The following ACVR2A variants were observed in gnomAD, a reference collection of about 807,000 sequenced individuals.
The protein encoded by ACVR2A is activin A receptor type 2A, also known as activin receptor type-2A.
In ACVR2A, 7 loss-of-function variants were observed where a neutral mutation model predicts 61.4. That is an observed-to-expected ratio of 0.11 (90% CI 0.06 to 0.21). ACVR2A has a LOEUF of 0.21. ACVR2A is among the 10% of genes least tolerant of loss of function. ACVR2A has a pLI of 1.00. For synonymous variants in ACVR2A, 193 were observed against 208.3 expected (o/e 0.93, Z 0.63); for missense variants, 322 against 621.7 (o/e 0.52, Z 5.13).
chr2:147,852,661 C>T (rs529585046), intron 1 of ACVR2A, among the ~76,000 whole-genome samples: 150 of 152,042 alleles, frequency 9.9e-4, no homozygotes, highest in African/African-American at 3.4e-3. Flanking sequence ...CACACGAAGG[C>T]GCTGAAACAA....
At chr2:147,911,536 G>T (rs142340415) in intron 4 of ACVR2A, among the ~76,000 whole-genome samples, 16 of 152,016 alleles carry the variant, frequency 1.1e-4, no homozygotes, top group Non-Finnish European at 2.1e-4. Context: ...TTCTTCACAA[G>T]CACGCCTTTC....
chr2:147,887,471 G>A (rs1686468943), intron 1 of ACVR2A, among the ~76,000 whole-genome samples: 1 of 152,176 alleles, frequency 6.6e-6, no homozygotes, highest in Non-Finnish European at 1.5e-5. Context: ...ACAGTCTGGT[G>A]AAGGACATTC....
intron 1 of ACVR2A, among the ~76,000 whole-genome samples, chr2:147,867,079 G>A (rs1685874726): frequency 6.6e-6 from 1 of 152,180 alleles, no homozygotes; most frequent in Admixed American, 6.5e-5. Context: ...TTAAAAAAAT[G>A]TCAGATCTAA....
chr2:147,854,411 A>T (rs1685519813), intron 1 of ACVR2A, among the ~76,000 whole-genome samples: 1 of 152,180 alleles, frequency 6.6e-6, no homozygotes, highest in African/African-American at 2.4e-5. Flanking sequence ...GTTTTGAAAG[A>T]TTCTCAAGTC....
chr2:147,859,559 T>A (rs1256453697), intron 1 of ACVR2A, among the ~76,000 whole-genome samples: 1 of 152,042 alleles, frequency 6.6e-6, no homozygotes, highest in Non-Finnish European at 1.5e-5. Flanking sequence ...TTTGTGAAAC[T>A]TCAGTTGTGT....
At chr2:147,852,134 A>G (rs1685465498) in intron 1 of ACVR2A, among the ~76,000 whole-genome samples, 1 of 151,980 alleles carries the variant, frequency 6.6e-6, no homozygotes, top group African/African-American at 2.4e-5. Context: ...TTTAGAGGGG[A>G]TCTTAGGTAT....
At chr2:147,919,956 A>C (rs1169390565) in intron 7 of ACVR2A, among the ~76,000 whole-genome samples, 1 of 152,150 alleles carries the variant, frequency 6.6e-6, no homozygotes, top group Non-Finnish European at 1.5e-5. Flanking sequence ...TGACATAGAT[A>C]ACATATCTTT....
chr2:147,899,646 T>G, intron 3 of ACVR2A, 79 bp downstream of exon 3: 2 of 1,576,678 alleles, frequency 1.3e-6, no homozygotes, highest in Non-Finnish European at 8.7e-7. Context: ...TGGAATAATT[T>G]GCCCCTACCT....
intron 1 of ACVR2A, among the ~76,000 whole-genome samples, chr2:147,852,699 G>A (rs1301503551): frequency 2.0e-5 from 3 of 152,034 alleles, no homozygotes; most frequent in Non-Finnish European, 2.9e-5. Context: ...GGGGAGTTGG[G>A]ATTTTTTAAT....
chr2:147,924,309 C>T (rs1044338573), intron 9 of ACVR2A, among the ~76,000 whole-genome samples: 2 of 151,962 alleles, frequency 1.3e-5, no homozygotes, highest in Non-Finnish European at 2.9e-5. Flanking sequence ...AGACACAAGA[C>T]CTTATTCTCA....
intron 10 of ACVR2A, 131 bp from the exon 11 acceptor site, chr2:147,926,949 C>A: frequency 1.2e-6 from 1 of 821,640 alleles, no homozygotes; most frequent in Non-Finnish European, 1.9e-6. Context: ...ACATGGTAGT[C>A]AATAAAAGTG....
At chr2:147,919,866 G>A (rs1016256061) in intron 7 of ACVR2A, among the ~76,000 whole-genome samples, 1 of 152,098 alleles carries the variant, frequency 6.6e-6, no homozygotes, top group Non-Finnish European at 1.5e-5. Flanking sequence ...CTTCATTTTG[G>A]TTTAAAATTT....
In ACVR2A at chr2:147,845,130, G is replaced by A. The variant is rs767570225; in HGVS notation, c.-23G>A. On this transcript the variant is annotated 5_prime_UTR_variant, in exon 1 of 11. Coordinates refer to ENST00000241416, the MANE Select transcript of ACVR2A (RefSeq NM_001616.5). The stretch of plus-strand genomic sequence containing the variant: ...TGGATATCTAGCGAGAACTTCCTCC[G>A]GATTCCCCGGCGCCTCGGGAAAATG... 3 of 1,604,328 alleles carry A rather than the reference G, an allele frequency of 1.9e-6. No individual in the cohort carries two copies. The South Asian group carries it at 3.3e-5, about 18-fold the overall frequency.
chr2:147,852,055 G>T lies in ACVR2A; in HGVS notation c.55+6848G>T, dbSNP rs969234586. Among the ~76,000 whole-genome samples, 4 of 151,908 alleles carry T rather than the reference G, an allele frequency of 2.6e-5. No individual in the cohort carries two copies. The East Asian group carries it at 7.7e-4, about 29-fold the overall frequency. ...AAAAGATGATTTTGCTCATTGTTTT[G>T]ATATCTTTAAGTTATGTTCAAATTT... On this transcript the variant is annotated intron_variant, in intron 1 of 10. Transcript: ENST00000241416.
chr2:147,902,162 C>T (rs1686885210), intron 4 of ACVR2A, among the ~76,000 whole-genome samples: 1 of 151,804 alleles, frequency 6.6e-6, no homozygotes, highest in Non-Finnish European at 1.5e-5. Context: ...TTTGGGACCA[C>T]ACTCCTGAAA....
At chr2:147,877,346 G>A (rs192079415) in intron 1 of ACVR2A, 3 of 152,176 alleles carry the variant, frequency 2.0e-5, no homozygotes, top group East Asian at 3.9e-4. Context: ...AGAAATGGGG[G>A]AATGACATTC....
At chr2:147,899,012 T>C (rs934033241) in intron 2 of ACVR2A, among the ~76,000 whole-genome samples, 10 of 152,168 alleles carry the variant, frequency 6.6e-5, no homozygotes, top group African/African-American at 2.4e-4. Context: ...TGTATTTATA[T>C]GTATACATAC....
chr2:147,918,331 A>G, intron 6 of ACVR2A, 116 bp from the exon 7 acceptor site: 1 of 814,958 alleles, frequency 1.2e-6, no homozygotes, highest in Non-Finnish European at 1.8e-6. Flanking sequence ...TGTTTCTTGG[A>G]TATTATTTTT....
At chr2:147,926,940 C>A in intron 10 of ACVR2A, 140 bp from the exon 11 acceptor site, 3 of 756,992 alleles carry the variant, frequency 4.0e-6, no homozygotes, top group Non-Finnish European at 6.3e-6. Flanking sequence ...TGATTCTGCA[C>A]ATGGTAGTCA....
Sources: allele counts gnomAD v4.1 joint callset (sites outside exome capture counted in the v4.1 genomes callset), GRCh38; gene constraint gnomAD v4.1.1; transcripts MANE v1.5; gene names NCBI Gene and HGNC (gene_info 2026-07-23, HGNC 2026-07-21).